The following ITCH variants were observed in gnomAD, a reference collection of about 807,000 sequenced individuals.
ITCH encodes the protein E3 ubiquitin-protein ligase Itchy homolog.
A neutral mutation model predicts 126.8 loss-of-function variants in ITCH; 28 were observed. That is an observed-to-expected ratio of 0.22 (90% CI 0.16 to 0.30). ITCH has a LOEUF of 0.30. Ranked by LOEUF, ITCH falls within the 10% of genes least tolerant of loss-of-function variation. The pLI is 1.00. For synonymous variants in ITCH, 342 were observed against 340.0 expected (o/e 1.01, Z -0.06); for missense variants, 631 against 1,032.4 (o/e 0.61, Z 5.33).
intron 2 of ITCH, among the ~76,000 whole-genome samples, chr20:34,392,159 A>G (rs1235001740): frequency 6.6e-6 from 1 of 152,212 alleles, no homozygotes; most frequent in African/African-American, 2.4e-5. Context: ...ACCCTTGTCC[A>G]TAACAAGCCA....
Position 34,442,192 on chromosome 20 carries a change from T to C in ITCH, c.870-16T>C, listed in dbSNP as rs767865702. ...TCATGCAAGTATTTTACCAGCCTTT[T>C]AATTTTGTATTTAAGTTGGGAGCAG... On this transcript the variant is annotated splice_polypyrimidine_tract_variant and intron_variant, in intron 9 of 24. Transcript: ENST00000374864. The C allele has an allele frequency of 5.0e-6, 8 of 1,599,464 alleles. No individual in the cohort carries two copies. Among genetic ancestry groups the C allele is most frequent in the Non-Finnish European group, 6.0e-6 (7 of 1,166,676 alleles).
intron 20 of ITCH, among the ~76,000 whole-genome samples, chr20:34,487,552 C>T (rs1298721078): frequency 6.6e-6 from 1 of 151,844 alleles, no homozygotes; most frequent in East Asian, 1.9e-4. Context: ...TTAGCTATAC[C>T]TCTTTGTTTA....
At chr20:34,426,103 T>G (rs907572542) in intron 7 of ITCH, among the ~76,000 whole-genome samples, 6 of 152,378 alleles carry the variant, frequency 3.9e-5, no homozygotes, top group African/African-American at 1.4e-4. Context: ...GATTCTGCTT[T>G]TAAAGTAGTG....
At chr20:34,504,184 A>C (rs1990473121) in intron 23 of ITCH, 147 bp from the exon 24 acceptor site, 1 of 695,634 alleles carries the variant, frequency 1.4e-6, no homozygotes, top group African/African-American at 1.8e-5. Context: ...CCTAACCCAG[A>C]GTTTCTGAAT....
chr20:34,459,717 C>CA (rs1410453845), intron 13 of ITCH, among the ~76,000 whole-genome samples: 2 of 152,258 alleles, frequency 1.3e-5, no homozygotes, highest in South Asian at 4.2e-4. Context: ...GCTTGGGCGA[C>CA]AGAGTGTGAC....
chr20:34,478,814 CAT>C (rs902454783), intron 17 of ITCH, among the ~76,000 whole-genome samples: 3 of 151,824 alleles, frequency 2.0e-5, no homozygotes, highest in Non-Finnish European at 2.9e-5. Context: ...TGAGTAGAAA[CAT>C]GTAATTTTGT....
At chr20:34,367,371 G>A (rs1237205263) in intron 1 of ITCH, among the ~76,000 whole-genome samples, 1 of 152,188 alleles carries the variant, frequency 6.6e-6, no homozygotes, top group Non-Finnish European at 1.5e-5. Context: ...TTAGAACTTG[G>A]AGTTTGGACT....
intron 23 of ITCH, among the ~76,000 whole-genome samples, chr20:34,502,548 TAAAAATACA>T (rs1396520292): frequency 6.6e-6 from 1 of 150,450 alleles, no homozygotes; most frequent in African/African-American, 2.5e-5. Flanking sequence ...CCATCTCTAC[TAAAAATACA>T]AAATTAGCCG....
intron 17 of ITCH, among the ~76,000 whole-genome samples, chr20:34,478,954 C>T (rs1158564219): frequency 1.3e-5 from 2 of 152,096 alleles, no homozygotes; most frequent in Non-Finnish European, 2.9e-5. Context: ...AAAAGAGATC[C>T]AGATTACAGG....
intron 7 of ITCH, among the ~76,000 whole-genome samples, chr20:34,431,023 GAAA>G (rs763727213): frequency 6.6e-6 from 1 of 152,098 alleles, no homozygotes; most frequent in African/African-American, 2.4e-5. Context: ...GCACAGGGAG[GAAA>G]AATGTAAAAT....
At chr20:34,460,743 T>C (rs1176222305) in intron 13 of ITCH, among the ~76,000 whole-genome samples, 2 of 152,076 alleles carry the variant, frequency 1.3e-5, no homozygotes, top group Non-Finnish European at 2.9e-5. Context: ...TATTAGGCCT[T>C]GTGTAGTGTC....
intron 23 of ITCH, among the ~76,000 whole-genome samples, chr20:34,501,518 G>C (rs57262828): frequency 0.03 from 4,516 of 152,304 alleles, 236 homozygotes; most frequent in African/African-American, 0.1. Context: ...GCTCACGCCT[G>C]TAATCCCAGC....
At chr20:34,411,243 C>T (rs1004888569) in intron 4 of ITCH, among the ~76,000 whole-genome samples, 5 of 152,250 alleles carry the variant, frequency 3.3e-5, no homozygotes, top group African/African-American at 1.2e-4. Context: ...CCTCCACCTC[C>T]CGGGTTCAAG....
At chr20:34,428,349 C>T (rs1322571913) in intron 7 of ITCH, among the ~76,000 whole-genome samples, 1 of 152,122 alleles carries the variant, frequency 6.6e-6, no homozygotes, top group Non-Finnish European at 1.5e-5. Flanking sequence ...TCATAGTTAT[C>T]GTTTAGGAAG....
chr20:34,412,629 CAA>C lies in ITCH; in HGVS notation c.328_329del (p.Asn110TyrfsTer4). On this transcript the variant is annotated frameshift_variant, in exon 5 of 25. Transcript: ENST00000374864. LOFTEE classifies it high-confidence loss of function. ...LDIYETLKSN[N>X]MKLEEVVVTL... ...ATATTTATGAAACATTAAAGTCAAA[CAA>C]TATGAAACGTATGTATGTAAGACTA... 6.2e-7 allele frequency: 1 copy of C among 1,606,580 alleles called. No individual in the cohort carries two copies. The highest frequency in any genetic ancestry group is 8.5e-7 in the Non-Finnish European group (1 of 1,173,634).
intron 12 of ITCH, among the ~76,000 whole-genome samples, chr20:34,456,994 G>A (rs2146354569): frequency 2.6e-5 from 4 of 151,718 alleles, no homozygotes; most frequent in Middle Eastern, 6.8e-3. Context: ...GTTTCAGGTA[G>A]ATTATTTAAC....
rs544050613 is a variant in ITCH, at chr20:34,374,217, A to G, written c.-22+4747A>G. ...TTCGTGCAAAGAAAGAGTAGGTTCTACAATTTTGTCTTGATTATTTTTCCA... is the reference window on the plus strand; with the variant it reads ...TTCGTGCAAAGAAAGAGTAGGTTCTGCAATTTTGTCTTGATTATTTTTCCA... On this transcript the variant is annotated intron_variant, in intron 2 of 24. Transcript: ENST00000374864. 2.7e-4 allele frequency among the ~76,000 whole-genome samples: 41 copies of G among 152,298 alleles called. No homozygotes were observed. In the Middle Eastern group the frequency reaches 0.014, roughly 51 times the overall value.
chr20:34,458,395 G>A (rs1348514001), intron 13 of ITCH, among the ~76,000 whole-genome samples: 1 of 152,150 alleles, frequency 6.6e-6, no homozygotes, highest in Non-Finnish European at 1.5e-5. Context: ...TCAAACTCCT[G>A]TCTTTAAGCG....
rs1171765663 is a variant in ITCH, at chr20:34,364,724, C to CAAAAAAAAAAAAAAA, written c.-99+1380_-99+1394dup. Among the ~76,000 whole-genome samples, 38 of 45,560 alleles carry CAAAAAAAAAAAAAAA rather than the reference C, an allele frequency of 8.3e-4. 5 individuals are homozygous for CAAAAAAAAAAAAAAA. The highest frequency in any genetic ancestry group is 3.1e-3 in the African/African-American group (26 of 8,424). The allele number at this position is 45,560 out of a possible 152,430, so 29.9% of individuals were successfully genotyped here. A position where few individuals can be genotyped will look rare whatever the true frequency, so the allele number is the denominator to read the frequency against. On this transcript the variant is annotated intron_variant, in intron 1 of 24. Transcript: ENST00000374864. Reference sequence around the variant, plus strand: ...TGAAACCCCGTCTCTACTAAAAATACAAAAAAAAAAAAAAAAAAATCCTGG... The same window carrying CAAAAAAAAAAAAAAA: ...TGAAACCCCGTCTCTACTAAAAATACAAAAAAAAAAAAAAAAAAAAAAAAAAAAAAAAAATCCTGG...
Sources: gnomAD v4.1 joint callset for allele counts (sites outside exome capture counted in the v4.1 genomes callset) on GRCh38, gnomAD v4.1.1 for gene constraint, MANE v1.5 for transcripts, NCBI Gene and HGNC (gene_info 2026-07-23, HGNC 2026-07-21) for gene names.